CCNI: variants seen among roughly 807,000 people sequenced by gnomAD.
CCNI encodes cyclin-I.
In CCNI, 14 loss-of-function variants were observed where a neutral mutation model predicts 34.1. The observed-to-expected ratio is 0.41, with a 90% confidence interval of 0.27 to 0.64. CCNI has a LOEUF of 0.64. Among genes scored for constraint, CCNI ranks in the 30% least tolerant of loss-of-function variants. CCNI has a pLI of 0.31. For missense variants in CCNI, 385 were observed against 440.5 expected (o/e 0.87, Z 1.13); for synonymous variants, 154 against 158.4 (o/e 0.97, Z 0.21).
At chr4:77,069,855 A>G (rs1368084180) in intron 1 of CCNI, among the ~76,000 whole-genome samples, 3 of 151,538 alleles carry the variant, frequency 2.0e-5, no homozygotes, top group East Asian at 3.9e-4. Context: ...TAACCTACCA[A>G]AATCTAATCT....
At chr4:77,057,775 G>A (rs952090770) in intron 3 of CCNI, among the ~76,000 whole-genome samples, 5 of 152,112 alleles carry the variant, frequency 3.3e-5, no homozygotes, top group African/African-American at 9.7e-5. Context: ...AAGTAAGCCC[G>A]TAGAAAGCAC....
rs571744648 is a variant in CCNI, at chr4:77,050,438, C to G, written c.691-1776G>C. 2.0e-5 allele frequency among the ~76,000 whole-genome samples: 3 copies of G among 152,204 alleles called. No individual in the cohort carries two copies. In the East Asian group the frequency reaches 5.8e-4, roughly 29 times the overall value. ...TTATTTTTATCTCTAAATACATTCA[C>G]TATTTGTTACTGAAAAATACCAGAG... On this transcript the variant is annotated intron_variant, in intron 6 of 6. Coordinates refer to ENST00000237654, the MANE Select transcript of CCNI (RefSeq NM_006835.3).
rs4252832 is a variant in CCNI at position 77,065,051 on chromosome 4, A to C, written c.114+1198T>G. On this transcript the variant is annotated intron_variant, in intron 2 of 6. Transcript: ENST00000237654. ...TACTGAGTACTTTTTCAAAGAATTA[A>C]ATGAGATATTAAATGAGATAGCATA... is the stretch of plus-strand genomic sequence containing the variant. The C allele has an allele frequency of 1.7e-3, 266 of 152,378 alleles. 1 individual carries two copies. Among genetic ancestry groups the C allele is most frequent in the African/African-American group, 6.1e-3 (252 of 41,594 alleles). 9.4% of individuals were successfully genotyped at this position (152,378 alleles called of 1,614,324 possible). A position where few individuals can be genotyped will look rare whatever the true frequency, so the allele number is the denominator to read the frequency against.
intron 2 of CCNI, among the ~76,000 whole-genome samples, chr4:77,065,417 AAAAATAATTATATATG>A (rs1728958839): frequency 1.3e-5 from 2 of 152,354 alleles, no homozygotes; most frequent in Admixed American, 1.3e-4. Context: ...GTTATTTGTG[AAAAATAATTATATATG>A]ACAGAAGTAT....
At chr4:77,055,433 CA>C in intron 5 of CCNI, 53 bp from the exon 6 acceptor site, 1 of 1,102,782 alleles carries the variant, frequency 9.1e-7, no homozygotes, top group Non-Finnish European at 1.3e-6. Context: ...TGGGAAATTA[CA>C]TATAGAAATT....
chr4:77,069,847 A>G (rs986773735), intron 1 of CCNI, among the ~76,000 whole-genome samples: 1 of 151,638 alleles, frequency 6.6e-6, no homozygotes, highest in African/African-American at 2.4e-5. Context: ...CACAACTTTA[A>G]CCTACCAAAA....
intron 2 of CCNI, among the ~76,000 whole-genome samples, chr4:77,059,698 T>C (rs1728475397): frequency 6.6e-6 from 1 of 152,150 alleles, no homozygotes; most frequent in South Asian, 2.1e-4. Context: ...TACAATGGTA[T>C]GGAACACTAG....
rs377066995 is a variant in CCNI at position 77,075,581 on chromosome 4, G to A, written c.-153C>T. On this transcript the variant is annotated 5_prime_UTR_variant, in exon 1 of 7. Coordinates refer to ENST00000237654, the MANE Select transcript of CCNI (RefSeq NM_006835.3). Reference sequence around the variant, plus strand: ...TACCACCTCATTCTCATAGGCGCGCGGAGGCGGTGCGCGCGGGACGACTCG... The same window carrying A: ...TACCACCTCATTCTCATAGGCGCGCAGAGGCGGTGCGCGCGGGACGACTCG... The A allele has an allele frequency of 9.1e-6, 9 of 988,226 alleles. No individual in the cohort carries two copies. In the East Asian group the frequency reaches 4.5e-4, roughly 50 times the overall value. The allele number at this position is 988,226 out of a possible 1,614,324, so 61.2% of individuals were successfully genotyped here.
chr4:77,055,170 C>T lies in CCNI; in HGVS notation c.670G>A (p.Glu224Lys). 1.2e-6 allele frequency: 2 copies of T among 1,612,582 alleles called. No individual in the cohort carries two copies. The highest frequency in any genetic ancestry group is 1.7e-6 in the Non-Finnish European group (2 of 1,178,628). ...LIPDWLSLTI[E>K]LLQKAQMDSS... The stretch of plus-strand genomic sequence containing the variant: ...CCTACCTGTGCTTTCTGAAGCAGTT[C>T]AATTGTAAGAGAAAGCCAATCAGGA... The change falls in exon 6 of 7, where the codon GAA becomes AAA. Residue 224 changes from glutamate (E) to lysine (K), a missense_variant. This residue lies in a region of CCNI where 250 missense variants were observed against 248.7 expected (regional missense o/e 1.01). Transcript: ENST00000237654.
rs1426493594 is a variant in CCNI at position 77,056,314 on chromosome 4, T to C, written c.253A>G (p.Lys85Glu). The change falls in exon 4 of 7, where the codon AAA becomes GAA. Residue 85 changes from lysine (K) to glutamate (E), a missense_variant. Around this residue, in one of 2 missense-constraint regions of CCNI, gnomAD observed 135 missense variants for 191.8 expected, o/e 0.70. Transcript: ENST00000237654. ...CTGATTGCAATACAACTCAAGTATT[T>C]TGGATGAGCCTAAAATTTTGAAGAG... ...RFLATVKAHP[K>E]YLSCIAISCF... 6.2e-7 allele frequency: 1 copy of C among 1,613,352 alleles called. No homozygotes were observed. The highest frequency in any genetic ancestry group is 8.5e-7 in the Non-Finnish European group (1 of 1,179,352).
intron 1 of CCNI, among the ~76,000 whole-genome samples, chr4:77,073,473 T>G (rs1729648461): frequency 6.6e-6 from 1 of 152,268 alleles, no homozygotes; most frequent in Non-Finnish European, 1.5e-5. Flanking sequence ...GTACTAGTGC[T>G]GACTTCTGAA....
intron 5 of CCNI, 55 bp from the exon 6 acceptor site, chr4:77,055,435 T>C: frequency 1.7e-6 from 2 of 1,179,342 alleles, no homozygotes; most frequent in Admixed American, 2.1e-5. Flanking sequence ...GGAAATTACA[T>C]ATAGAAATTG....
intron 1 of CCNI, among the ~76,000 whole-genome samples, chr4:77,074,183 C>G (rs995237283): frequency 6.6e-6 from 1 of 152,190 alleles, no homozygotes; most frequent in African/African-American, 2.4e-5. Context: ...TTCTAACCTA[C>G]TAGGATGTCA....
Position 77,047,632 on chromosome 4 carries a change from GAC to G in CCNI, c.*585_*586del, listed in dbSNP as rs1020580645. On this transcript the variant is annotated 3_prime_UTR_variant, in exon 7 of 7. Transcript: ENST00000237654. ...AATTTTAAATTAAAATTTGAAATGA[GAC>G]ACAAAATCAACCTGGTAATATGAGA... 2.0e-5 allele frequency: 3 copies of G among 152,086 alleles called. No homozygotes were observed. The highest frequency in any genetic ancestry group is 7.2e-5 in the African/African-American group (3 of 41,418). 9.4% of individuals were successfully genotyped at this position (152,086 alleles called of 1,614,324 possible).
At chr4:77,075,386 C>A (rs1158596946) in intron 1 of CCNI, 86 bp downstream of exon 1, 3 of 436,558 alleles carry the variant, frequency 6.9e-6, no homozygotes, top group South Asian at 1.9e-4. Flanking sequence ...GCCACGGGGG[C>A]GGCGCGGGGG....
At chr4:77,059,067 T>C (rs768327413) in intron 2 of CCNI, among the ~76,000 whole-genome samples, 3 of 152,048 alleles carry the variant, frequency 2.0e-5, no homozygotes, top group Non-Finnish European at 2.9e-5. Context: ...ACTATGATAA[T>C]GGAAATGATA....
chr4:77,049,235 T>C (rs1727676433), intron 6 of CCNI, among the ~76,000 whole-genome samples: 1 of 152,180 alleles, frequency 6.6e-6, no homozygotes, highest in Admixed American at 6.5e-5. Flanking sequence ...GAAATGTTTT[T>C]GGTAAAGTTT....
At chr4:77,064,585 G>GTGCACA in intron 2 of CCNI, 1 of 143,102 alleles carries the variant, frequency 7.0e-6, no homozygotes, top group South Asian at 2.3e-4. Flanking sequence ...GCGCGCGCGC[G>GTGCACA]CACACACACA....
Position 77,055,097 on chromosome 4 carries a change from T to C in CCNI, c.690+53A>G, listed in dbSNP as rs1021629482. 13 of 1,190,606 alleles carry C rather than the reference T, an allele frequency of 1.1e-5. No individual in the cohort carries two copies. In the African/African-American group the frequency reaches 1.7e-4, roughly 15 times the overall value. 73.8% of individuals were successfully genotyped at this position (1,190,606 alleles called of 1,614,324 possible). A position where few individuals can be genotyped will look rare whatever the true frequency, so the allele number is the denominator to read the frequency against. ...CTTTTAGTTTGGTAACTCTATGTAT[T>C]CCAATAATAGAAAAACTTAAAAAGA... On this transcript the variant is annotated intron_variant, in intron 6 of 6. Coordinates refer to ENST00000237654, the MANE Select transcript of CCNI (RefSeq NM_006835.3).
Sources: allele counts gnomAD v4.1 joint callset (sites outside exome capture counted in the v4.1 genomes callset), GRCh38; gene constraint gnomAD v4.1.1; regional missense constraint gnomAD v4.1.1; transcripts MANE v1.5; gene names NCBI Gene and HGNC (gene_info 2026-07-23, HGNC 2026-07-21).